Variants in RABGAP1L observed in about 807,000 individuals in gnomAD.
The protein encoded by RABGAP1L is rab GTPase-activating protein 1-like.
RABGAP1L carries 63 observed loss-of-function variants against 137.7 expected under a neutral mutation model. The ratio of observed to expected loss-of-function variants is 0.46; its 90% CI spans 0.37 to 0.56. The LOEUF (loss-of-function observed/expected upper bound fraction) is 0.56. RABGAP1L is among the 20% of genes least tolerant of loss of function. The pLI is 0.00. For synonymous variants in RABGAP1L, 431 were observed against 433.7 expected (o/e 0.99, Z 0.08); for missense variants, 1,095 against 1,244.0 (o/e 0.88, Z 1.80).
chr1:174,550,432 C>G (rs1666339957), intron 13 of RABGAP1L, among the ~76,000 whole-genome samples: 1 of 152,136 alleles, frequency 6.6e-6, no homozygotes. Context: ...TCAACAACAG[C>G]CTTACTCCAG....
At chr1:174,866,257 A>G (rs904957863) in intron 19 of RABGAP1L, among the ~76,000 whole-genome samples, 4 of 152,160 alleles carry the variant, frequency 2.6e-5, no homozygotes, top group Non-Finnish European at 5.9e-5. Flanking sequence ...CTATCTATAG[A>G]AATATAAAAA....
chr1:174,248,855 A>C (rs1185304991), intron 5 of RABGAP1L, among the ~76,000 whole-genome samples: 1 of 152,168 alleles, frequency 6.6e-6, no homozygotes, highest in Non-Finnish European at 1.5e-5. Context: ...GGATTTATTA[A>C]TGTTCACAGC....
chr1:174,773,935 A>T (rs990104891), intron 18 of RABGAP1L, among the ~76,000 whole-genome samples: 2 of 152,046 alleles, frequency 1.3e-5, no homozygotes, highest in Admixed American at 1.3e-4. Context: ...TGTTTTTATG[A>T]CCCTTTTTAT....
At chr1:174,333,919 A>G (rs1353989596) in intron 11 of RABGAP1L, among the ~76,000 whole-genome samples, 2 of 152,180 alleles carry the variant, frequency 1.3e-5, no homozygotes, top group Non-Finnish European at 2.9e-5. Context: ...GGTTGGGGAA[A>G]GCTACAGATT....
intron 13 of RABGAP1L, among the ~76,000 whole-genome samples, chr1:174,512,159 G>A (rs1009008847): frequency 1.3e-5 from 2 of 151,950 alleles, no homozygotes; most frequent in African/African-American, 4.8e-5. Flanking sequence ...AACTAGTTAG[G>A]AAAAACAAAG....
At chr1:174,614,829 G>C (rs563627403) in intron 13 of RABGAP1L, among the ~76,000 whole-genome samples, 7 of 151,962 alleles carry the variant, frequency 4.6e-5, no homozygotes, top group East Asian at 1.9e-4. Flanking sequence ...TCATTCATTT[G>C]ATCTTCCATC....
chr1:174,546,330 G>C (rs1666006972), intron 13 of RABGAP1L, among the ~76,000 whole-genome samples: 1 of 152,146 alleles, frequency 6.6e-6, no homozygotes, highest in Admixed American at 6.5e-5. Flanking sequence ...TTAAAGTACA[G>C]GTTGATAGTA....
chr1:174,195,129 A>T (rs1667475593), intron 1 of RABGAP1L, among the ~76,000 whole-genome samples: 1 of 152,190 alleles, frequency 6.6e-6, no homozygotes, highest in Non-Finnish European at 1.5e-5. Flanking sequence ...GATTATGTAC[A>T]TGTGCAGATA....
chr1:174,376,972 CAAACA>C (rs1685601863), intron 12 of RABGAP1L, among the ~76,000 whole-genome samples: 1 of 151,942 alleles, frequency 6.6e-6, no homozygotes, highest in African/African-American at 2.4e-5. Flanking sequence ...ACAAAACAAA[CAAACA>C]AAACTCCTAG....
At chr1:174,925,794 A>G (rs1662686040) in intron 19 of RABGAP1L, among the ~76,000 whole-genome samples, 1 of 146,706 alleles carries the variant, frequency 6.8e-6, no homozygotes, top group Admixed American at 6.8e-5. Context: ...TTAAAAAAAT[A>G]TAATGTGAGA....
At chr1:174,549,335 A>G (rs1666257622) in intron 13 of RABGAP1L, among the ~76,000 whole-genome samples, 2 of 152,356 alleles carry the variant, frequency 1.3e-5, no homozygotes, top group South Asian at 4.1e-4. Context: ...TGTAAATTAT[A>G]GAAAGTAAAC....
In RABGAP1L at chr1:174,474,893, G is replaced by A. The variant is rs575735090; in HGVS notation, c.1710+80748G>A. On this transcript the variant is annotated intron_variant, in intron 13 of 25. Coordinates refer to ENST00000681986, the MANE Select transcript of RABGAP1L (RefSeq NM_001366446.1). The stretch of plus-strand genomic sequence containing the variant: ...TGGGATTACAGGCGTGAGCCACTGC[G>A]CCTGGCCTTCTGATTCTTATTTCTG... Among the ~76,000 whole-genome samples the A allele has an allele frequency of 3.9e-5, 6 of 151,982 alleles. No individual in the cohort carries two copies. In the East Asian group the frequency reaches 5.8e-4, roughly 15 times the overall value.
intron 11 of RABGAP1L, among the ~76,000 whole-genome samples, chr1:174,318,580 T>TTTTCTTCCTTTC (rs1553272543): frequency 6.0e-5 from 7 of 117,550 alleles, no homozygotes. Context: ...TTGGTGATTG[T>TTTTCTTCCTTTC]TTTCTTTCTT....
intron 13 of RABGAP1L, among the ~76,000 whole-genome samples, chr1:174,450,744 CT>C (rs962361716): frequency 1.3e-5 from 2 of 152,092 alleles, no homozygotes; most frequent in Non-Finnish European, 2.9e-5. Context: ...CTAAGTATTA[CT>C]TTTTTACCAT....
chr1:174,424,518 G>A (rs908338813), intron 13 of RABGAP1L, among the ~76,000 whole-genome samples: 6 of 151,862 alleles, frequency 4.0e-5, no homozygotes, highest in African/African-American at 1.5e-4. Flanking sequence ...CTTTAATTAG[G>A]ACCTCTAACA....
At chr1:174,805,969 C>A (rs979572500) in intron 18 of RABGAP1L, among the ~76,000 whole-genome samples, 1 of 152,122 alleles carries the variant, frequency 6.6e-6, no homozygotes, top group Non-Finnish European at 1.5e-5. Context: ...TTTACTCTTC[C>A]CTCGCCATTG....
At chr1:174,989,332 C>T (rs1220794268) in intron 25 of RABGAP1L, among the ~76,000 whole-genome samples, 2 of 152,222 alleles carry the variant, frequency 1.3e-5, no homozygotes, top group African/African-American at 4.8e-5. Context: ...GTCCTGGCTT[C>T]TGATGGACTC....
chr1:174,355,226 G>A (rs1276690530), intron 11 of RABGAP1L, among the ~76,000 whole-genome samples: 36 of 152,032 alleles, frequency 2.4e-4, no homozygotes, highest in African/African-American at 4.6e-4. Context: ...ATGTCCAACC[G>A]CTATAGACTG....
intron 12 of RABGAP1L, among the ~76,000 whole-genome samples, chr1:174,384,130 T>C (rs1012198232): frequency 7.9e-5 from 12 of 152,218 alleles, no homozygotes; most frequent in African/African-American, 2.9e-4. Flanking sequence ...TTACAACTGA[T>C]GGATCTCAAG....
Sources: gnomAD v4.1 joint callset for allele counts (sites outside exome capture counted in the v4.1 genomes callset) on GRCh38, gnomAD v4.1.1 for gene constraint, MANE v1.5 for transcripts, NCBI Gene and HGNC (gene_info 2026-07-23, HGNC 2026-07-21) for gene names.